Variants in TCF20 observed in about 807,000 individuals in gnomAD.
TCF20 encodes the protein transcription factor 20.
In TCF20, 3 loss-of-function variants were observed where a neutral mutation model predicts 148.6. That is an observed-to-expected ratio of 0.02 (90% confidence interval 0.01 to 0.05). TCF20 has a LOEUF of 0.05. Among genes scored for constraint, TCF20 ranks in the 10% least tolerant of loss-of-function variants. The pLI, the probability that TCF20 is intolerant of heterozygous loss-of-function variation, is 1.00. For missense variants in TCF20, 2,350 were observed against 2,429.3 expected (o/e 0.97, Z 0.69); for synonymous variants, 1,049 against 909.5 (o/e 1.15, Z -2.76).
intron 1 of TCF20, among the ~76,000 whole-genome samples, chr22:42,332,730 A>C (rs977196396): frequency 1.1e-4 from 17 of 152,198 alleles, no homozygotes; most frequent in African/African-American, 3.6e-4. Context: ...AGCCTCCCAA[A>C]GTGCTGGGAT....
At chr22:42,244,535 A>G (rs1205182468) in intron 1 of TCF20, among the ~76,000 whole-genome samples, 2 of 152,232 alleles carry the variant, frequency 1.3e-5, no homozygotes, top group Admixed American at 6.5e-5. Context: ...GAAGTCAGAC[A>G]TGAAAGGTCA....
chr22:42,192,765 A>C (rs1937399771), intron 2 of TCF20, among the ~76,000 whole-genome samples: 1 of 152,196 alleles, frequency 6.6e-6, no homozygotes, highest in South Asian at 2.1e-4. Flanking sequence ...GGTCACTCCC[A>C]CAGGTCATGC....
rs1038451170 is a variant in TCF20, at chr22:42,213,593, G to A, written c.1713C>T (p.Leu571=). 6.2e-7 allele frequency: 1 copy of A among 1,614,136 alleles called. No individual in the cohort carries two copies. The highest frequency in any genetic ancestry group is 8.5e-7 in the Non-Finnish European group (1 of 1,180,040). ...AQGAQNEPPR[L]NASPAAREEA... is the part of the protein sequence containing the mutation. ...CTTCTCTTGCGGCAGGACTAGCATTGAGTCTGGGGGGTTCATTCTGAGCAC... is the reference window on the plus strand; with the variant it reads ...CTTCTCTTGCGGCAGGACTAGCATTAAGTCTGGGGGGTTCATTCTGAGCAC... Residue 571 remains leucine, a synonymous_variant, in exon 2 of 6, where the codon CTC becomes CTT. Coordinates refer to ENST00000677622, the MANE Select transcript of TCF20 (RefSeq NM_001378418.1).
intron 1 of TCF20, among the ~76,000 whole-genome samples, chr22:42,340,561 G>A (rs2147064162): frequency 6.6e-6 from 1 of 152,258 alleles, no homozygotes. Flanking sequence ...GACTCAGTCT[G>A]TGCCTTAGCC....
chr22:42,269,060 C>A (rs1926446448), intron 1 of TCF20, among the ~76,000 whole-genome samples: 1 of 152,214 alleles, frequency 6.6e-6, no homozygotes, highest in Non-Finnish European at 1.5e-5. Context: ...TTGCCCTGGG[C>A]TGCAGTTTAT....
chr22:42,270,848 A>G (rs1237628271), upstream of TCF20, among the ~76,000 whole-genome samples: 1 of 148,568 alleles, frequency 6.7e-6, no homozygotes, highest in Admixed American at 6.7e-5. Context: ...GAAGACCCCC[A>G]CCTCGCGGCA....
At chr22:42,169,401 A>G (rs1935985823) in intron 4 of TCF20, among the ~76,000 whole-genome samples, 1 of 151,962 alleles carries the variant, frequency 6.6e-6, no homozygotes, top group Non-Finnish European at 1.5e-5. Flanking sequence ...CAGAAGCACA[A>G]CCTGGAAGAG....
intron 1 of TCF20, among the ~76,000 whole-genome samples, chr22:42,304,145 C>T (rs1927391005): frequency 6.6e-6 from 1 of 152,154 alleles, no homozygotes; most frequent in Non-Finnish European, 1.5e-5. Context: ...GTGCCCCACC[C>T]CCTCCCACTG....
intron 2 of TCF20, among the ~76,000 whole-genome samples, chr22:42,202,367 C>T (rs1450071851): frequency 2.0e-5 from 3 of 152,258 alleles, no homozygotes; most frequent in Non-Finnish European, 2.9e-5. Flanking sequence ...ATCCTCCTAA[C>T]ATACCTCTTT....
chr22:42,270,761 T>TG (rs1236174523), upstream of TCF20, among the ~76,000 whole-genome samples: 1 of 80,058 alleles, frequency 1.2e-5, no homozygotes, highest in South Asian at 3.6e-4. Context: ...GGCGGGGCGC[T>TG]GGGGGCGGGG....
At position 42,215,156 on chromosome 22, in the gene TCF20, G is replaced by A. The variant is rs778373900; in HGVS notation, c.150C>T (p.Ser50=). Residue 50 remains serine, a synonymous_variant, in exon 2 of 6, where the codon AGC becomes AGT. Transcript: ENST00000677622. ...NFGGTGGSSG[S]SGSGSGGGRR... The stretch of plus-strand genomic sequence containing the variant: ...GTCCACCACCACTGCCACTGCCACT[G>A]CTGCCACTACTGCCACCTGTACCTC... 6.2e-7 allele frequency: 1 copy of A among 1,612,872 alleles called. No homozygotes were observed. The highest frequency in any genetic ancestry group is 8.5e-7 in the Non-Finnish European group (1 of 1,179,654).
At chr22:42,198,622 GAAA>G (rs1349179699) in intron 2 of TCF20, among the ~76,000 whole-genome samples, 1 of 150,268 alleles carries the variant, frequency 6.7e-6, no homozygotes, top group Non-Finnish European at 1.5e-5. Flanking sequence ...ATGACAAGAA[GAAA>G]AAAGTCTGTA....
intron 1 of TCF20, among the ~76,000 whole-genome samples, chr22:42,321,798 T>TTAGC (rs1343054651): frequency 1.3e-5 from 2 of 151,430 alleles, no homozygotes; most frequent in African/African-American, 2.4e-5. Flanking sequence ...AATACAAAAA[T>TTAGC]TAGCTGGTCA....
At chr22:42,166,336 C>T (rs1393245331) in intron 5 of TCF20, among the ~76,000 whole-genome samples, 6 of 152,286 alleles carry the variant, frequency 3.9e-5, no homozygotes, top group South Asian at 2.1e-4. Flanking sequence ...GGCCGGGCGC[C>T]GTGGCTCACG....
At chr22:42,314,172 C>T (rs930806738) in intron 1 of TCF20, among the ~76,000 whole-genome samples, 3 of 152,234 alleles carry the variant, frequency 2.0e-5, no homozygotes, top group African/African-American at 7.2e-5. Flanking sequence ...AGAGAGAAGA[C>T]ATCTCCGCTA....
chr22:42,172,503 A>G lies in TCF20; in HGVS notation c.5750-2607T>C, dbSNP rs191908471. Reference sequence around the variant, plus strand: ...AAACAGCTTGCGAGATCATCATCCAAGCTCAAAAAGACCTACAAGGTGGCC... The same window carrying G: ...AAACAGCTTGCGAGATCATCATCCAGGCTCAAAAAGACCTACAAGGTGGCC... On this transcript the variant is annotated intron_variant, in intron 3 of 5. Coordinates refer to ENST00000677622, the MANE Select transcript of TCF20 (RefSeq NM_001378418.1). Among the ~76,000 whole-genome samples, 4 of 152,342 alleles carry G rather than the reference A, an allele frequency of 2.6e-5. No individual in the cohort carries two copies. In the East Asian group the frequency reaches 7.7e-4, roughly 29 times the overall value.
At chr22:42,254,507 T>TG (rs1269088939) in intron 1 of TCF20, among the ~76,000 whole-genome samples, 2 of 152,146 alleles carry the variant, frequency 1.3e-5, no homozygotes, top group African/African-American at 4.8e-5. Context: ...CTTGTAACAG[T>TG]GTTTTGTTAT....
rs1935439782 is a variant in TCF20, at chr22:42,161,278, C to T, written c.*125G>A. ...GGCACGCGGGCGGGGCGGGGCGGGG[C>T]AGGGCAGGGTGTGGCTGCACGGTAG... On this transcript the variant is annotated 3_prime_UTR_variant, in exon 6 of 6. Coordinates refer to ENST00000677622, the MANE Select transcript of TCF20 (RefSeq NM_001378418.1). The T allele has an allele frequency of 1.2e-6, 2 of 1,606,416 alleles. No homozygotes were observed. The highest frequency in any genetic ancestry group is 1.3e-5 in the African/African-American group (1 of 74,846).
intron 1 of TCF20, among the ~76,000 whole-genome samples, chr22:42,253,391 T>C (rs922035037): frequency 6.6e-6 from 1 of 151,816 alleles, no homozygotes; most frequent in Non-Finnish European, 1.5e-5. Flanking sequence ...AGTATCAAAA[T>C]ATAGAAAAAA....
Sources: allele counts gnomAD v4.1 joint callset (sites outside exome capture counted in the v4.1 genomes callset), GRCh38; gene constraint gnomAD v4.1.1; transcripts MANE v1.5; gene names NCBI Gene and HGNC (gene_info 2026-07-23, HGNC 2026-07-21).